Variants in NALF1 observed in about 807,000 individuals in gnomAD.
NALF1 encodes NALCN channel auxiliary factor 1.
Under a neutral mutation model 48.4 loss-of-function variants are expected in NALF1, and 3 were observed. That is an observed-to-expected ratio of 0.06 (90% CI 0.03 to 0.16). NALF1 has a LOEUF of 0.16. Ranked by LOEUF, NALF1 falls within the 10% of genes least tolerant of loss-of-function variation. The pLI, the probability that NALF1 is intolerant of heterozygous loss-of-function variation, is 1.00. For synonymous variants in NALF1, 262 were observed against 245.7 expected (o/e 1.07, Z -0.62); for missense variants, 526 against 571.5 (o/e 0.92, Z 0.81).
rs184755282 is a variant in NALF1 at position 107,425,891 on chromosome 13, T to C, written c.916-215136A>G. On this transcript the variant is annotated intron_variant, in intron 1 of 2. Coordinates refer to ENST00000375915, the MANE Select transcript of NALF1 (RefSeq NM_001080396.3). ...TGTACTATGATATTGGATGTCTACATACTATGATATTAAATATCTGTGTAC... is the reference window on the plus strand; with the variant it reads ...TGTACTATGATATTGGATGTCTACACACTATGATATTAAATATCTGTGTAC... 6.1e-4 allele frequency among the ~76,000 whole-genome samples: 93 copies of C among 152,240 alleles called. 4 individuals are homozygous for C. In the East Asian group the frequency reaches 0.011, roughly 18 times the overall value.
intron 1 of NALF1, among the ~76,000 whole-genome samples, chr13:107,810,006 CT>C: frequency 6.6e-6 from 1 of 151,976 alleles, no homozygotes; most frequent in Non-Finnish European, 1.5e-5. Context: ...ACTTTTTCCC[CT>C]TGATTTATGC....
At chr13:107,839,519 C>T (rs72657286) in intron 1 of NALF1, among the ~76,000 whole-genome samples, 7,486 of 151,448 alleles carry the variant, frequency 0.049, 363 homozygotes, top group East Asian at 0.26. Flanking sequence ...ACATTCCATA[C>T]ATTAATGCAA....
At chr13:107,292,884 C>T (rs1419692376) in intron 1 of NALF1, among the ~76,000 whole-genome samples, 1 of 152,164 alleles carries the variant, frequency 6.6e-6, no homozygotes, top group African/African-American at 2.4e-5. Context: ...TTTGTTTACC[C>T]CAGCATCACC....
At chr13:107,517,050 C>T (rs924122779) in intron 1 of NALF1, among the ~76,000 whole-genome samples, 2 of 152,066 alleles carry the variant, frequency 1.3e-5, no homozygotes, top group South Asian at 2.1e-4. Context: ...ATGGTCCTTA[C>T]TATTTGTATA....
intron 2 of NALF1, among the ~76,000 whole-genome samples, chr13:107,175,022 T>A (rs1284692613): frequency 7.2e-6 from 1 of 138,300 alleles, no homozygotes; most frequent in African/African-American, 2.8e-5. Flanking sequence ...TAGCTGGGAC[T>A]ACAGGCGCCC....
intron 1 of NALF1, among the ~76,000 whole-genome samples, chr13:107,267,722 T>C (rs1881070582): frequency 6.6e-6 from 1 of 152,150 alleles, no homozygotes; most frequent in Non-Finnish European, 1.5e-5. Flanking sequence ...ATTATAACAA[T>C]ATGCCAGCCT....
chr13:107,579,570 C>T (rs955371947), intron 1 of NALF1, among the ~76,000 whole-genome samples: 2 of 129,616 alleles, frequency 1.5e-5, no homozygotes, highest in African/African-American at 5.8e-5. Flanking sequence ...CTTCCTTTCA[C>T]CTCACAGTCT....
At chr13:107,262,757 T>G (rs910247339) in intron 1 of NALF1, among the ~76,000 whole-genome samples, 1 of 127,980 alleles carries the variant, frequency 7.8e-6, no homozygotes, top group Non-Finnish European at 1.6e-5. Context: ...TTAAGTTGCA[T>G]AACCCACAGG....
At chr13:107,832,889 C>T (rs922847068) in intron 1 of NALF1, among the ~76,000 whole-genome samples, 3 of 151,476 alleles carry the variant, frequency 2.0e-5, no homozygotes, top group African/African-American at 7.4e-5. Flanking sequence ...TTCTTAAGAG[C>T]GCTCAGTAGT....
chr13:107,451,287 G>C (rs868056998), intron 1 of NALF1, among the ~76,000 whole-genome samples: 13 of 152,200 alleles, frequency 8.5e-5, no homozygotes, highest in South Asian at 2.1e-4. Context: ...GTGGTGAGAG[G>C]ATGATCTAGC....
chr13:107,858,944 T>C (rs1880502068), intron 1 of NALF1, among the ~76,000 whole-genome samples: 1 of 152,222 alleles, frequency 6.6e-6, no homozygotes, highest in African/African-American at 2.4e-5. Flanking sequence ...AATGATCGTC[T>C]ATTTAACGTC....
In NALF1 at chr13:107,558,989, G is replaced by A. The variant is rs571726699; in HGVS notation, c.915+306693C>T. The stretch of plus-strand genomic sequence containing the variant: ...TGGGCCTGGGCTGGAAGGAAACCGT[G>A]GGCTTTCCTGGCCCCCCACCCTGCA... On this transcript the variant is annotated intron_variant, in intron 1 of 2. Transcript: ENST00000375915. 8.3e-4 allele frequency among the ~76,000 whole-genome samples: 126 copies of A among 152,270 alleles called. 1 individual carries two copies. The highest frequency in any genetic ancestry group is 3.0e-3 in the African/African-American group (123 of 41,564).
chr13:107,365,024 C>CCTCCCTCCTCCTCCTCCTTCTCTCT (rs1883129438), intron 1 of NALF1, among the ~76,000 whole-genome samples: 1 of 111,370 alleles, frequency 9.0e-6, no homozygotes, highest in Non-Finnish European at 1.9e-5. Context: ...TCCCTCTCCC[C>CCTCCCTCCTCCTCCTCCTTCTCTCT]CTCCCTCCTC....
At chr13:107,744,958 G>A (rs979379760) in intron 1 of NALF1, among the ~76,000 whole-genome samples, 55 of 152,228 alleles carry the variant, frequency 3.6e-4, no homozygotes, top group African/African-American at 1.1e-3. Context: ...AGTCCTGAAC[G>A]TACGACTCTA....
At chr13:107,565,065 C>CA (rs71754551) in intron 1 of NALF1, among the ~76,000 whole-genome samples, 9,927 of 23,122 alleles carry the variant, frequency 0.43, 2,601 homozygotes, top group Non-Finnish European at 0.52. Context: ...GTGATATCTG[C>CA]AAAAAAAAAA....
chr13:107,475,700 T>C (rs1885167483), intron 1 of NALF1, among the ~76,000 whole-genome samples: 1 of 152,234 alleles, frequency 6.6e-6, no homozygotes, highest in Admixed American at 6.5e-5. Context: ...CCTAATTTTA[T>C]GGTAGAAACT....
intron 1 of NALF1, among the ~76,000 whole-genome samples, chr13:107,471,537 T>C (rs1411191750): frequency 2.6e-5 from 4 of 152,146 alleles, no homozygotes; most frequent in African/African-American, 9.7e-5. Context: ...TGCCATGGCG[T>C]GGATATTATG....
intron 2 of NALF1, among the ~76,000 whole-genome samples, chr13:107,179,006 G>A (rs986349177): frequency 6.6e-6 from 1 of 151,988 alleles, no homozygotes; most frequent in African/African-American, 2.4e-5. Flanking sequence ...CAATCCTAGT[G>A]CTAGTTTTAT....
chr13:107,337,043 C>CAAAAAAAA (rs60969406), intron 1 of NALF1, among the ~76,000 whole-genome samples: 1 of 114,830 alleles, frequency 8.7e-6, no homozygotes, highest in African/African-American at 4.0e-5. Context: ...TTTCATTCCC[C>CAAAAAAAA]AAAAAAAAAA....
Sources: allele counts gnomAD v4.1 joint callset (sites outside exome capture counted in the v4.1 genomes callset), GRCh38; gene constraint gnomAD v4.1.1; transcripts MANE v1.5; gene names NCBI Gene and HGNC (gene_info 2026-07-23, HGNC 2026-07-21).